Variants in RFX7 observed in about 807,000 individuals in gnomAD.
RFX7 encodes the protein regulatory factor X7.
A neutral mutation model predicts 111.8 loss-of-function variants in RFX7; 26 were observed. The ratio of observed to expected loss-of-function variants is 0.23; its 90% CI spans 0.17 to 0.32. The LOEUF (loss-of-function observed/expected upper bound fraction) is 0.32. Ranked by LOEUF, RFX7 falls within the 10% of genes least tolerant of loss-of-function variation. RFX7 has a pLI of 1.00. For synonymous variants in RFX7, 624 were observed against 624.4 expected (o/e 1.00, Z 0.01); for missense variants, 1,573 against 1,772.9 (o/e 0.89, Z 2.02).
chr15:56,223,510 TATCC>T (rs1477922033), intron 2 of RFX7, among the ~76,000 whole-genome samples: 1 of 152,192 alleles, frequency 6.6e-6, no homozygotes, highest in Non-Finnish European at 1.5e-5. Flanking sequence ...TCATGTCTTT[TATCC>T]ACTTTTACAG....
At chr15:56,143,017 C>G in intron 4 of RFX7, 117 bp from the exon 5 acceptor site, 2 of 1,079,148 alleles carry the variant, frequency 1.9e-6, no homozygotes, top group Non-Finnish European at 1.3e-6. Context: ...ACGACCAAAC[C>G]AAACTTAGGA....
chr15:56,192,640 T>C (rs2043111106), intron 2 of RFX7: 2 of 193,366 alleles, frequency 1.0e-5, no homozygotes, highest in South Asian at 2.2e-4. Flanking sequence ...CAGCTGACAA[T>C]AAACCCAGGA....
chr15:56,229,092 G>C (rs185066127), intron 2 of RFX7, among the ~76,000 whole-genome samples: 37 of 152,268 alleles, frequency 2.4e-4, no homozygotes, highest in African/African-American at 7.9e-4. Context: ...ACACTACTCA[G>C]ATTAGGGAGC....
At chr15:56,239,339 G>A (rs1169597892) in intron 2 of RFX7, among the ~76,000 whole-genome samples, 1 of 151,742 alleles carries the variant, frequency 6.6e-6, no homozygotes, top group Non-Finnish European at 1.5e-5. Flanking sequence ...TGCAATCTCG[G>A]CTCACAGCAA....
chr15:56,174,775 A>G (rs1224905243), intron 3 of RFX7, among the ~76,000 whole-genome samples: 1 of 152,156 alleles, frequency 6.6e-6, no homozygotes, highest in Non-Finnish European at 1.5e-5. Flanking sequence ...GCAAGTAACT[A>G]TGATTTTAAA....
At position 56,095,975 on chromosome 15, in the gene RFX7, C is replaced by T. The variant is rs140370063; in HGVS notation, c.1753G>A (p.Glu585Lys). ...GTTGCTTTTATTTCAATGACACCTT[C>T]ATTTGAAGGTTTCTGCAGTGCTCCG... ...TDGALQKPSNEGVIEIKATKV... is the reference protein window; with the variant it reads ...TDGALQKPSNKGVIEIKATKV... The change falls in exon 10 of 10, where the codon GAA becomes AAA. Residue 585 changes from glutamate to lysine, a missense_variant. Coordinates refer to ENST00000559447, the MANE Select transcript of RFX7 (RefSeq NM_022841.7). 565 of 1,611,034 alleles carry T rather than the reference C, an allele frequency of 3.5e-4. No homozygotes were observed. The highest frequency in any genetic ancestry group is 4.4e-4 in the Non-Finnish European group (519 of 1,179,570).
chr15:56,194,868 G>A (rs1269260336), intron 2 of RFX7, among the ~76,000 whole-genome samples: 1 of 151,958 alleles, frequency 6.6e-6, no homozygotes, highest in Middle Eastern at 3.2e-3. Flanking sequence ...TCTTCAAAAA[G>A]CTAAAACAGA....
Position 56,095,067 on chromosome 15 carries a change from A to G in RFX7, c.2661T>C (p.Ile887=), listed in dbSNP as rs777606131. 1 of 1,613,976 alleles carries G rather than the reference A, an allele frequency of 6.2e-7. No individual in the cohort carries two copies. Among genetic ancestry groups the G allele is most frequent in the Non-Finnish European group, 8.5e-7 (1 of 1,179,872 alleles). ...PFDDELTQDS[I]VEELVLMEQQ... is the part of the protein sequence containing the mutation. ...GCTCCATAAGCACCAGCTCTTCCACAATACTATCTTGTGTAAGTTCATCAT... is the reference window on the plus strand; with the variant it reads ...GCTCCATAAGCACCAGCTCTTCCACGATACTATCTTGTGTAAGTTCATCAT... Residue 887 remains isoleucine, a synonymous_variant, in exon 10 of 10, where the codon ATT becomes ATC. Coordinates refer to ENST00000559447, the MANE Select transcript of RFX7 (RefSeq NM_022841.7).
chr15:56,094,177 G>A lies in RFX7; in HGVS notation c.3551C>T (p.Pro1184Leu). ...ATTAGATCGTGGGATATTAGATACT[G>A]GATAGAGGGTGCTTCCACTAAGATT... ...QRNLSGSTLY[P>L]VSNIPRSNVT... The change falls in exon 10 of 10, where the codon CCA becomes CTA. Residue 1184 changes from proline (P) to leucine (L), a missense_variant. By Grantham distance (98) the Pro-to-Leu change is moderately conservative. Around this residue, in one of 7 missense-constraint regions of RFX7, gnomAD observed 411 missense variants for 478.1 expected, o/e 0.86. Transcript: ENST00000559447. 1.2e-6 allele frequency: 2 copies of A among 1,613,966 alleles called. No individual in the cohort carries two copies. The highest frequency in any genetic ancestry group is 8.5e-7 in the Non-Finnish European group (1 of 1,179,886).
intron 2 of RFX7, among the ~76,000 whole-genome samples, chr15:56,218,207 T>C (rs1012499193): frequency 7.9e-6 from 1 of 125,948 alleles, no homozygotes; most frequent in Admixed American, 1.1e-4. Flanking sequence ...CAGGCTGGAG[T>C]GCAATGGCGC....
At chr15:56,172,521 G>A (rs1302831418) in intron 3 of RFX7, among the ~76,000 whole-genome samples, 3 of 152,168 alleles carry the variant, frequency 2.0e-5, no homozygotes, top group African/African-American at 4.8e-5. Flanking sequence ...AGGGTAGGCA[G>A]AGAGAGATCA....
chr15:56,167,685 ATATTTTCATTT>A lies in RFX7; in HGVS notation c.195+11574_195+11584del, dbSNP rs2042799157. Among the ~76,000 whole-genome samples the A allele has an allele frequency of 3.3e-5, 5 of 152,354 alleles. No individual in the cohort carries two copies. The South Asian group carries it at 1.0e-3, about 32-fold the overall frequency. On this transcript the variant is annotated intron_variant, in intron 3 of 9. Coordinates refer to ENST00000559447, the MANE Select transcript of RFX7 (RefSeq NM_022841.7). ...TCTATTCATATTTATGCTACTACAA[ATATTTTCATTT>A]GTCTTTACCAATAAACAGATAAATT...
chr15:56,144,537 C>T, intron 3 of RFX7, 54 bp from the exon 4 acceptor site: 2 of 1,019,790 alleles, frequency 2.0e-6, no homozygotes, highest in Non-Finnish European at 1.4e-6. Flanking sequence ...CTCATTTTTC[C>T]CCAAACAAAA....
chr15:56,178,222 G>A (rs1200234538), intron 3 of RFX7, among the ~76,000 whole-genome samples: 1 of 141,304 alleles, frequency 7.1e-6, no homozygotes, highest in Non-Finnish European at 1.5e-5. Flanking sequence ...ACAAAAAGAA[G>A]AGTAAATGAA....
upstream of RFX7, among the ~76,000 whole-genome samples, chr15:56,245,079 C>T (rs575731136): frequency 1.3e-5 from 2 of 152,194 alleles, no homozygotes; most frequent in East Asian, 1.9e-4. Context: ...CTGTTAGATC[C>T]TCTGGCCACT....
At chr15:56,127,845 C>T (rs533228429) in intron 5 of RFX7, among the ~76,000 whole-genome samples, 76 of 149,954 alleles carry the variant, frequency 5.1e-4, no homozygotes, top group African/African-American at 9.8e-4. Context: ...TGCGCCCGGC[C>T]GAAAAGATTA....
At chr15:56,112,993 CAAGA>C (rs1185308334) in intron 5 of RFX7, among the ~76,000 whole-genome samples, 1 of 152,128 alleles carries the variant, frequency 6.6e-6, no homozygotes, top group Non-Finnish European at 1.5e-5. Context: ...ATTAAAAAGT[CAAGA>C]AACAACACAT....
chr15:56,101,989 A>C (rs1057413543), intron 7 of RFX7, among the ~76,000 whole-genome samples, 180 bp downstream of exon 7: 1 of 152,110 alleles, frequency 6.6e-6, no homozygotes, highest in Non-Finnish European at 1.5e-5. Context: ...TGTTCCCCCA[A>C]ATTTCATGTT....
At chr15:56,182,473 G>C (rs1215490222) in intron 2 of RFX7, among the ~76,000 whole-genome samples, 1 of 151,964 alleles carries the variant, frequency 6.6e-6, no homozygotes, top group East Asian at 1.9e-4. Context: ...CTTCTCAAAG[G>C]CAACTATCAT....
Sources: allele counts gnomAD v4.1 joint callset (sites outside exome capture counted in the v4.1 genomes callset), GRCh38; gene constraint gnomAD v4.1.1; regional missense constraint gnomAD v4.1.1; transcripts MANE v1.5; gene names NCBI Gene and HGNC (gene_info 2026-07-23, HGNC 2026-07-21).